The following CMC1 variants were observed in gnomAD, a reference collection of about 807,000 sequenced individuals.
CMC1 encodes the protein C-X9-C motif containing 1.
Under a neutral mutation model 14.1 loss-of-function variants are expected in CMC1, and 14 were observed. The observed-to-expected ratio is 0.99, with a 90% CI of 0.66 to 1.55. CMC1 has a LOEUF of 1.55. CMC1 is among the 40% of genes most tolerant of loss of function. CMC1 has a pLI of 0.00. For missense variants in CMC1, 127 were observed against 123.8 expected, an observed-to-expected ratio of 1.03 and a Z score of -0.12; for synonymous variants, 50 against 38.4, an observed-to-expected ratio of 1.30 and a Z score of -1.12.
chr3:28,309,076 C>T (rs542291261), intron 2 of CMC1, among the ~76,000 whole-genome samples: 29 of 152,138 alleles, frequency 1.9e-4, no homozygotes, highest in African/African-American at 6.5e-4. Context: ...GCTTGGTTTC[C>T]TTGCTTTCTC....
intron 1 of CMC1, among the ~76,000 whole-genome samples, chr3:28,256,578 A>G (rs1331772241): frequency 1.3e-5 from 2 of 152,202 alleles, no homozygotes; most frequent in Non-Finnish European, 2.9e-5. Flanking sequence ...ACAAACTTTC[A>G]AGGAACTGAG....
At chr3:28,263,861 T>C (rs1699858155) in intron 2 of CMC1, among the ~76,000 whole-genome samples, 1 of 152,156 alleles carries the variant, frequency 6.6e-6, no homozygotes, top group Non-Finnish European at 1.5e-5. Flanking sequence ...TGTTTTGTTT[T>C]ATGTTTCTAA....
Position 28,320,234 on chromosome 3 carries a change from CTTAGTCCATTT to C in CMC1, c.*607_*617del, listed in dbSNP as rs991681747. The C allele has an allele frequency of 5.3e-5, 8 of 151,678 alleles. No individual in the cohort carries two copies. Among genetic ancestry groups the C allele is most frequent in the Non-Finnish European group, 1.2e-4 (8 of 67,714 alleles). The allele number at this position is 151,678 out of a possible 1,614,324, so 9.4% of individuals were successfully genotyped here. On this transcript the variant is annotated 3_prime_UTR_variant, in exon 4 of 4. Coordinates refer to ENST00000466830, the MANE Select transcript of CMC1 (RefSeq NM_182523.2). ...TAGTAGAGGCTTATTTGGAAACTAT[CTTAGTCCATTT>C]TCTGTTGCTATGGGAGAATACCCAA...
intron 2 of CMC1, among the ~76,000 whole-genome samples, chr3:28,280,063 G>C (rs549851208): frequency 6.6e-6 from 1 of 152,128 alleles, no homozygotes; most frequent in African/African-American, 2.4e-5. Context: ...TGTACAATGG[G>C]CAATAAAATG....
intron 1 of CMC1, among the ~76,000 whole-genome samples, chr3:28,257,304 T>C (rs1481479290): frequency 4.6e-5 from 7 of 152,202 alleles, no homozygotes; most frequent in Admixed American, 3.9e-4. Flanking sequence ...CACCATAGAT[T>C]AACTTTGCAT....
chr3:28,313,439 A>C (rs1052020034), intron 2 of CMC1, among the ~76,000 whole-genome samples: 4 of 152,248 alleles, frequency 2.6e-5, no homozygotes, highest in Non-Finnish European at 5.9e-5. Context: ...AATCAGATAT[A>C]CAAGCTCTTT....
intron 2 of CMC1, among the ~76,000 whole-genome samples, chr3:28,275,341 CTT>C (rs71087681): frequency 1.5e-4 from 15 of 101,050 alleles, no homozygotes; most frequent in Non-Finnish European, 2.2e-4. Context: ...TTTTTTTTTT[CTT>C]TTTTTTTTTT....
intron 2 of CMC1, among the ~76,000 whole-genome samples, chr3:28,268,221 T>C (rs887942874): frequency 6.6e-6 from 1 of 152,304 alleles, no homozygotes; most frequent in South Asian, 2.1e-4. Flanking sequence ...CTGACAGGAC[T>C]CAGCATATAA....
chr3:28,243,936 G>A (rs1343484961), intron 1 of CMC1, among the ~76,000 whole-genome samples: 2 of 152,240 alleles, frequency 1.3e-5, no homozygotes, highest in African/African-American at 2.4e-5. Context: ...GCTTTATGAG[G>A]AAGTGTCATT....
intron 2 of CMC1, among the ~76,000 whole-genome samples, chr3:28,270,690 A>G (rs1700232368): frequency 6.6e-6 from 1 of 151,732 alleles, no homozygotes; most frequent in South Asian, 2.1e-4. Flanking sequence ...ATTTTCTCCC[A>G]TTCTTTAGGT....
At chr3:28,275,297 A>AT (rs1250387201) in intron 2 of CMC1, among the ~76,000 whole-genome samples, 2 of 115,298 alleles carry the variant, frequency 1.7e-5, no homozygotes, top group African/African-American at 6.5e-5. Context: ...TGATGCTGTT[A>AT]TGCTGTTGTC....
chr3:28,271,172 C>T (rs1218283619), intron 2 of CMC1, among the ~76,000 whole-genome samples: 1 of 152,040 alleles, frequency 6.6e-6, no homozygotes, highest in Non-Finnish European at 1.5e-5. Flanking sequence ...ATGATCTCAG[C>T]TCACTGCAGC....
intron 1 of CMC1, among the ~76,000 whole-genome samples, chr3:28,259,422 T>C (rs1190473909): frequency 1.3e-5 from 2 of 152,020 alleles, no homozygotes; most frequent in Non-Finnish European, 2.9e-5. Context: ...GGAAAAAATG[T>C]CAAAAAAGGG....
chr3:28,290,627 A>G (rs754949963), intron 2 of CMC1, among the ~76,000 whole-genome samples: 4 of 152,122 alleles, frequency 2.6e-5, no homozygotes, highest in Non-Finnish European at 5.9e-5. Flanking sequence ...TTTCTGGAAC[A>G]TACTGTGCCC....
chr3:28,265,731 A>G (rs748350153), intron 2 of CMC1, among the ~76,000 whole-genome samples: 1 of 152,178 alleles, frequency 6.6e-6, no homozygotes, highest in Non-Finnish European at 1.5e-5. Context: ...GAGAAATGAA[A>G]TCACTTTCAA....
chr3:28,262,077 A>G (rs1699764825), intron 1 of CMC1, among the ~76,000 whole-genome samples: 1 of 152,094 alleles, frequency 6.6e-6, no homozygotes, highest in Non-Finnish European at 1.5e-5. Context: ...AGACTCTAGA[A>G]TTCTTTGTAA....
intron 2 of CMC1, chr3:28,292,739 T>C (rs1487427641): frequency 2.6e-5 from 4 of 152,194 alleles, no homozygotes; most frequent in Non-Finnish European, 5.9e-5. Flanking sequence ...TCTGTAGGAA[T>C]GTACTTATTT....
chr3:28,310,767 T>C (rs926103777), intron 2 of CMC1, among the ~76,000 whole-genome samples: 1 of 152,220 alleles, frequency 6.6e-6, no homozygotes, highest in Non-Finnish European at 1.5e-5. Flanking sequence ...CCAACCTTTT[T>C]GGCACCAGGG....
intron 1 of CMC1, among the ~76,000 whole-genome samples, chr3:28,258,325 G>A (rs1699531902): frequency 1.3e-5 from 2 of 151,310 alleles, no homozygotes; most frequent in African/African-American, 4.8e-5. Context: ...TTTATAATTT[G>A]TATAATTTAT....
Sources: gnomAD v4.1 joint callset for allele counts (sites outside exome capture counted in the v4.1 genomes callset) on GRCh38, gnomAD v4.1.1 for gene constraint, MANE v1.5 for transcripts, NCBI Gene and HGNC (gene_info 2026-07-23, HGNC 2026-07-21) for gene names.